Variants in FRMPD2 observed in about 807,000 individuals in gnomAD.
FRMPD2 encodes the protein FERM and PDZ domain containing 2.
In FRMPD2, 96 loss-of-function variants were observed where a neutral mutation model predicts 140.1. The ratio of observed to expected loss-of-function variants is 0.69; its 90% CI spans 0.58 to 0.81. The LOEUF (loss-of-function observed/expected upper bound fraction) is 0.81. Ranked by LOEUF, FRMPD2 falls within the 40% of genes least tolerant of loss-of-function variation. The pLI is 0.00. For synonymous variants in FRMPD2, 449 were observed against 547.6 expected (o/e 0.82, Z 2.52); for missense variants, 1,240 against 1,447.4 (o/e 0.86, Z 2.32).
rs12247274 is a variant in FRMPD2 at position 48,251,745 on chromosome 10, C to T, written c.26-54G>A. 0.014 allele frequency: 22,697 copies of T among 1,600,774 alleles called. 2,757 individuals are homozygous for T. The African/African-American group carries it at 0.26, about 19-fold the overall frequency. On this transcript the variant is annotated intron_variant, in intron 1 of 28. Transcript: ENST00000374201. ...CCTCTGCAATGTCCAGGAACATGTC[C>T]GGGCCCGTACTCGCCACTCTGGTGC...
intron 27 of FRMPD2, among the ~76,000 whole-genome samples, chr10:48,168,056 AACACACACATAAAC>A (rs1339211345): frequency 2.4e-4 from 35 of 147,194 alleles, no homozygotes; most frequent in African/African-American, 9.3e-4. Context: ...TTCATATATA[AACACACACATAAAC>A]ACACACACAC....
At chr10:48,252,408 A>G (rs1174838476) in intron 1 of FRMPD2, among the ~76,000 whole-genome samples, 2 of 152,150 alleles carry the variant, frequency 1.3e-5, no homozygotes, top group African/African-American at 4.8e-5. Context: ...GCTGAGTGGC[A>G]CCGGAAGAAG....
intron 3 of FRMPD2, among the ~76,000 whole-genome samples, chr10:48,247,143 G>A (rs146322138): frequency 1.2e-4 from 18 of 152,344 alleles, no homozygotes; most frequent in African/African-American, 1.7e-4. Flanking sequence ...TGGAGTCCTC[G>A]TGCCTCTGCC....
intron 1 of FRMPD2, among the ~76,000 whole-genome samples, chr10:48,252,366 G>A (rs1191554792): frequency 6.6e-6 from 1 of 152,134 alleles, no homozygotes; most frequent in African/African-American, 2.4e-5. Context: ...CCCTGACAAA[G>A]CTGCCACCCA....
In FRMPD2 at chr10:48,273,091, C is replaced by T. The variant is rs1840796928; in HGVS notation, c.25+1452G>A. Among the ~76,000 whole-genome samples, 4 of 152,064 alleles carry T rather than the reference C, an allele frequency of 2.6e-5. No individual in the cohort carries two copies. The South Asian group carries it at 8.3e-4, about 32-fold the overall frequency. ...ATTGTGCAATATACATCCTTCATATCAGTAAAATTTATAATGAACTTATTA... is the reference window on the plus strand; with the variant it reads ...ATTGTGCAATATACATCCTTCATATTAGTAAAATTTATAATGAACTTATTA... On this transcript the variant is annotated intron_variant, in intron 1 of 28. Transcript: ENST00000374201.
At chr10:48,242,511 G>A (rs1282207742) in intron 4 of FRMPD2, among the ~76,000 whole-genome samples, 159 bp from the exon 5 acceptor site, 6 of 152,272 alleles carry the variant, frequency 3.9e-5, no homozygotes, top group African/African-American at 1.4e-4. Flanking sequence ...ACAGACACAA[G>A]ATCCATCACT....
At chr10:48,238,566 C>T (rs1840024091) in intron 7 of FRMPD2, among the ~76,000 whole-genome samples, 1 of 152,126 alleles carries the variant, frequency 6.6e-6, no homozygotes. Flanking sequence ...TTTTAAATGG[C>T]AGGAAAAAGT....
At chr10:48,175,438 T>G (rs1410511295) in intron 23 of FRMPD2, among the ~76,000 whole-genome samples, 1 of 151,900 alleles carries the variant, frequency 6.6e-6, no homozygotes, top group Non-Finnish European at 1.5e-5. Context: ...CCAGTAAAAA[T>G]CACCCCCTTC....
intron 28 of FRMPD2, among the ~76,000 whole-genome samples, chr10:48,159,447 T>C (rs1837875252): frequency 6.6e-6 from 1 of 151,408 alleles, no homozygotes; most frequent in African/African-American, 2.4e-5. Flanking sequence ...GCCCAGGCTC[T>C]GCTGCCTCCC....
intron 1 of FRMPD2, among the ~76,000 whole-genome samples, chr10:48,266,287 A>C (rs913691905): frequency 6.6e-6 from 1 of 152,214 alleles, no homozygotes; most frequent in Admixed American, 6.5e-5. Flanking sequence ...TACCAGGTTT[A>C]TAATATAATC....
intron 28 of FRMPD2, among the ~76,000 whole-genome samples, chr10:48,158,000 C>T (rs1837830227): frequency 7.5e-6 from 1 of 133,270 alleles, no homozygotes; most frequent in Admixed American, 7.4e-5. Context: ...CTGTGTGTGT[C>T]CATTGGCCAC....
intron 1 of FRMPD2, among the ~76,000 whole-genome samples, chr10:48,272,423 A>G (rs1385361247): frequency 6.6e-6 from 1 of 152,278 alleles, no homozygotes; most frequent in South Asian, 2.1e-4. Context: ...TATATTAACA[A>G]TATGTTGAAA....
Position 48,240,395 on chromosome 10 carries a change from G to A in FRMPD2, c.665C>T (p.Ala222Val), listed in dbSNP as rs770759751. ...ATGCAGACACTCCGGGGCCTGTGCCGCTGGGCTCTCGCTGCTTGTCCCACG... is the reference window on the plus strand; with the variant it reads ...ATGCAGACACTCCGGGGCCTGTGCCACTGGGCTCTCGCTGCTTGTCCCACG... ...RLRGTSSESP[A>V]AQAPECLHPC... The change falls in exon 6 of 29, where the codon GCG (alanine) becomes GTG (valine). Residue 222 changes from alanine to valine, a missense_variant. Physicochemically the swap from Ala to Val is moderately conservative, Grantham distance 64. This residue lies in a region of FRMPD2 where 1,161 missense variants were observed against 1,055.9 expected (regional missense o/e 1.10). Transcript: ENST00000374201. 16 of 1,612,914 alleles carry A rather than the reference G, an allele frequency of 9.9e-6. No individual in the cohort carries two copies. Among genetic ancestry groups the A allele is most frequent in the African/African-American group, 6.7e-5 (5 of 74,930 alleles).
At chr10:48,273,632 G>C (rs1461895467) in intron 1 of FRMPD2, among the ~76,000 whole-genome samples, 1 of 152,114 alleles carries the variant, frequency 6.6e-6, no homozygotes, top group African/African-American at 2.4e-5. Flanking sequence ...CTCCATTTCG[G>C]CACTTGCTAT....
intron 12 of FRMPD2, among the ~76,000 whole-genome samples, chr10:48,214,823 C>A (rs1319067423): frequency 1.3e-5 from 2 of 152,140 alleles, no homozygotes; most frequent in African/African-American, 4.8e-5. Context: ...CCCCACAATA[C>A]AAGAATGAAG....
At chr10:48,241,057 A>G (rs1840093696) in intron 5 of FRMPD2, among the ~76,000 whole-genome samples, 1 of 151,862 alleles carries the variant, frequency 6.6e-6, no homozygotes. Flanking sequence ...GGACAATGGC[A>G]CACCAGTGGA....
At chr10:48,257,622 C>A (rs144120862) in intron 1 of FRMPD2, among the ~76,000 whole-genome samples, 114 of 152,178 alleles carry the variant, frequency 7.5e-4, no homozygotes, top group Middle Eastern at 3.4e-3. Context: ...TCAGACCACC[C>A]CAGGCTCTTT....
intron 18 of FRMPD2, 35 bp downstream of exon 18, chr10:48,185,518 A>G (rs769184363): frequency 6.8e-6 from 10 of 1,475,120 alleles, no homozygotes; most frequent in Admixed American, 5.0e-5. Context: ...GCCCAGCAGT[A>G]GAGACTGGGC....
chr10:48,274,636 C>G lies in FRMPD2; in HGVS notation c.-69G>C. 6.7e-7 allele frequency: 1 copy of G among 1,482,382 alleles called. No homozygotes were observed. Among genetic ancestry groups the G allele is most frequent in the Non-Finnish European group, 9.4e-7 (1 of 1,063,880 alleles). 91.8% of individuals were successfully genotyped at this position (1,482,382 alleles called of 1,614,324 possible). On this transcript the variant is annotated 5_prime_UTR_variant, in exon 1 of 29. Coordinates refer to ENST00000374201, the MANE Select transcript of FRMPD2 (RefSeq NM_001018071.4). ...ACTTTCCAACAAGGAGCAGGGGTCT[C>G]TTGCAAGTCTGTCCGCGGAGCTCCC...
Sources: allele counts gnomAD v4.1 joint callset (sites outside exome capture counted in the v4.1 genomes callset), GRCh38; gene constraint gnomAD v4.1.1; regional missense constraint gnomAD v4.1.1; transcripts MANE v1.5; gene names NCBI Gene and HGNC (gene_info 2026-07-23, HGNC 2026-07-21).